Variants in CDH12 observed in about 807,000 individuals in gnomAD.
CDH12 encodes the protein cadherin-12.
CDH12 carries 41 observed loss-of-function variants against 74.1 expected under a neutral mutation model. That is an observed-to-expected ratio of 0.55 (90% confidence interval 0.43 to 0.72). CDH12 has a LOEUF of 0.72. Ranked by LOEUF, CDH12 falls within the 30% of genes least tolerant of loss-of-function variation. The pLI, the probability that CDH12 is intolerant of heterozygous loss-of-function variation, is 0.00. For missense variants in CDH12, 945 were observed against 977.2 expected, an observed-to-expected ratio of 0.97 and a Z score of 0.44; for synonymous variants, 399 against 355.0, an observed-to-expected ratio of 1.12 and a Z score of -1.39.
chr5:22,165,706 G>A (rs907684418), intron 4 of CDH12, among the ~76,000 whole-genome samples: 1 of 152,134 alleles, frequency 6.6e-6, no homozygotes, highest in Non-Finnish European at 1.5e-5. Context: ...GATGAGATAG[G>A]AGGTCAGCAC....
chr5:22,333,757 A>T (rs1739445144), intron 3 of CDH12, among the ~76,000 whole-genome samples: 1 of 152,212 alleles, frequency 6.6e-6, no homozygotes, highest in African/African-American at 2.4e-5. Flanking sequence ...AACTGAATTA[A>T]ACAATACATT....
intron 1 of CDH12, among the ~76,000 whole-genome samples, chr5:22,517,687 G>A (rs1475943656): frequency 6.6e-6 from 1 of 152,074 alleles, no homozygotes; most frequent in Admixed American, 6.5e-5. Context: ...AAATTGCACA[G>A]GACATCAGAC....
intron 1 of CDH12, among the ~76,000 whole-genome samples, chr5:22,768,743 A>G (rs1474689587): frequency 6.6e-6 from 1 of 152,112 alleles, no homozygotes; most frequent in African/African-American, 2.4e-5. Context: ...ATCAAAAACC[A>G]CTTATATTCT....
intron 1 of CDH12, among the ~76,000 whole-genome samples, chr5:22,626,227 C>G (rs1738287293): frequency 6.6e-6 from 1 of 152,212 alleles, no homozygotes; most frequent in Non-Finnish European, 1.5e-5. Context: ...TGCCAGTGCC[C>G]TGCCCCCAGC....
At chr5:22,176,006 C>G (rs895618667) in intron 4 of CDH12, among the ~76,000 whole-genome samples, 1 of 152,128 alleles carries the variant, frequency 6.6e-6, no homozygotes, top group African/African-American at 2.4e-5. Context: ...CTTCCCGGAA[C>G]CCTTTCTGTG....
chr5:21,949,770 G>T (rs1255975653), intron 6 of CDH12, among the ~76,000 whole-genome samples: 2 of 152,166 alleles, frequency 1.3e-5, no homozygotes, highest in Non-Finnish European at 2.9e-5. Flanking sequence ...GTATTTCTGT[G>T]TACAATATGC....
intron 2 of CDH12, among the ~76,000 whole-genome samples, chr5:22,436,629 G>C (rs1251341981): frequency 6.6e-6 from 1 of 151,906 alleles, no homozygotes; most frequent in East Asian, 1.9e-4. Context: ...TAGGCAGCAC[G>C]CAAGGAGAAC....
intron 1 of CDH12, among the ~76,000 whole-genome samples, chr5:22,654,193 CTTTCT>C (rs1183805739): frequency 1.6e-4 from 24 of 146,704 alleles, no homozygotes; most frequent in African/African-American, 5.6e-4. Context: ...TTCTTTCTTT[CTTTCT>C]TTTCTTTCTT....
At chr5:22,360,882 C>G (rs185645715) in intron 3 of CDH12, among the ~76,000 whole-genome samples, 41 of 152,170 alleles carry the variant, frequency 2.7e-4, no homozygotes, top group African/African-American at 9.4e-4. Flanking sequence ...ATTAAACAGC[C>G]CTTCATGCTA....
chr5:21,880,095 G>T (rs1253093373), intron 6 of CDH12, among the ~76,000 whole-genome samples: 1 of 152,172 alleles, frequency 6.6e-6, no homozygotes, highest in Non-Finnish European at 1.5e-5. Context: ...GGGACTCAGG[G>T]TCAGTTCCAA....
chr5:22,409,609 C>A (rs1382312961), intron 2 of CDH12, among the ~76,000 whole-genome samples: 1 of 152,000 alleles, frequency 6.6e-6, no homozygotes, highest in Non-Finnish European at 1.5e-5. Flanking sequence ...TGGTGAGGGT[C>A]TTTCTTCTGC....
intron 3 of CDH12, among the ~76,000 whole-genome samples, chr5:22,278,522 G>C (rs1433087404): frequency 1.3e-5 from 2 of 151,980 alleles, no homozygotes; most frequent in African/African-American, 4.8e-5. Context: ...AGAGTGTAAG[G>C]CATTTTAGAA....
intron 1 of CDH12, among the ~76,000 whole-genome samples, chr5:22,677,340 G>T (rs755385263): frequency 2.6e-5 from 4 of 152,064 alleles, no homozygotes; most frequent in Non-Finnish European, 5.9e-5. Flanking sequence ...CAAAGATCAA[G>T]AAGTCAACAG....
At chr5:21,804,446 C>A (rs1747313022) in intron 9 of CDH12, among the ~76,000 whole-genome samples, 2 of 151,992 alleles carry the variant, frequency 1.3e-5, no homozygotes, top group Admixed American at 6.6e-5. Flanking sequence ...AATGAGAAAC[C>A]ACTACAATTA....
At chr5:22,568,888 T>C (rs1305099176) in intron 1 of CDH12, among the ~76,000 whole-genome samples, 2 of 152,344 alleles carry the variant, frequency 1.3e-5, no homozygotes, top group Admixed American at 6.5e-5. Flanking sequence ...TAATGCTCAT[T>C]TGAGCTTTCA....
chr5:21,939,197 A>G (rs865894370), intron 6 of CDH12, among the ~76,000 whole-genome samples: 24 of 151,292 alleles, frequency 1.6e-4, no homozygotes, highest in African/African-American at 5.3e-4. Context: ...TTTTAAATGT[A>G]ATATAAATAT....
At chr5:22,207,032 T>C (rs916284934) in intron 4 of CDH12, among the ~76,000 whole-genome samples, 2 of 150,690 alleles carry the variant, frequency 1.3e-5, no homozygotes, top group South Asian at 4.2e-4. Flanking sequence ...GCTAACATGG[T>C]GAAACCCTGT....
At chr5:22,133,352 C>G (rs1746278468) in intron 4 of CDH12, among the ~76,000 whole-genome samples, 1 of 152,048 alleles carries the variant, frequency 6.6e-6, no homozygotes, top group South Asian at 2.1e-4. Context: ...AGTGAATTCT[C>G]ATATCCATCC....
At chr5:22,244,550 A>G (rs1282691951) in intron 3 of CDH12, among the ~76,000 whole-genome samples, 1 of 122,524 alleles carries the variant, frequency 8.2e-6, no homozygotes, top group Non-Finnish European at 1.7e-5. Flanking sequence ...GAAGAAGAAG[A>G]AGAAGAAAGA....
Sources: allele counts gnomAD v4.1 joint callset (sites outside exome capture counted in the v4.1 genomes callset), GRCh38; gene constraint gnomAD v4.1.1; transcripts MANE v1.5; gene names NCBI Gene and HGNC (gene_info 2026-07-23, HGNC 2026-07-21).